The following RABGEF1 variants were observed in gnomAD, a reference collection of about 807,000 sequenced individuals.
RABGEF1 encodes the protein RAB guanine nucleotide exchange factor 1.
Under a neutral mutation model 57.3 loss-of-function variants are expected in RABGEF1, and 26 were observed. That is an observed-to-expected ratio of 0.45 (90% CI 0.33 to 0.63). RABGEF1 has a LOEUF of 0.63. Among genes scored for constraint, RABGEF1 ranks in the 20% least tolerant of loss-of-function variants. RABGEF1 has a pLI of 0.02. For missense variants in RABGEF1, 464 were observed against 607.6 expected (o/e 0.76, Z 2.48); for synonymous variants, 185 against 210.7 (o/e 0.88, Z 1.06).
At chr7:66,784,173 A>G (rs1810610782) in intron 4 of RABGEF1, among the ~76,000 whole-genome samples, 1 of 152,212 alleles carries the variant, frequency 6.6e-6, no homozygotes, top group Non-Finnish European at 1.5e-5. Context: ...CTGTGCAACC[A>G]TTGTTAGGCC....
chr7:66,666,710 A>G, the RABGEF1 span, among the ~76,000 whole-genome samples: 21 of 152,134 alleles, frequency 1.4e-4, no homozygotes, highest in African/African-American at 4.6e-4. Flanking sequence ...CTCTTTATCT[A>G]TGTCTCAGCA....
chr7:66,790,333 T>C (rs1405889980), intron 4 of RABGEF1, among the ~76,000 whole-genome samples: 2 of 152,094 alleles, frequency 1.3e-5, no homozygotes, highest in Non-Finnish European at 2.9e-5. Context: ...GCGCATGAGG[T>C]CTTTTTTTCG....
At chr7:66,781,154 C>T (rs1809795167) in intron 3 of RABGEF1, among the ~76,000 whole-genome samples, 1 of 151,990 alleles carries the variant, frequency 6.6e-6, no homozygotes, top group Non-Finnish European at 1.5e-5. Context: ...TCTTTATCTC[C>T]ACTATCAGCT....
intron 1 of RABGEF1, among the ~76,000 whole-genome samples, chr7:66,742,799 G>T (rs1020840759): frequency 1.3e-5 from 2 of 152,108 alleles, no homozygotes; most frequent in African/African-American, 2.4e-5. Flanking sequence ...TAAAGATGTT[G>T]TCTTGCTGTG....
At chr7:66,772,844 G>A (rs1315781700) in intron 2 of RABGEF1, among the ~76,000 whole-genome samples, 3 of 151,658 alleles carry the variant, frequency 2.0e-5, no homozygotes, top group East Asian at 1.9e-4. Flanking sequence ...CCCAGGTATC[G>A]GAGGTTGCAG....
chr7:66,665,969 A>G, the RABGEF1 span: 1 of 152,996 alleles, frequency 6.5e-6, no homozygotes, highest in South Asian at 2.1e-4. Flanking sequence ...TGGAGGTGAC[A>G]TAGGAGCTGG....
chr7:66,756,072 A>T lies in RABGEF1; in HGVS notation c.-18+15280A>T, dbSNP rs991778996. 3 of 1,498,088 alleles carry T rather than the reference A, an allele frequency of 2.0e-6. No individual in the cohort carries two copies. The African/African-American group carries it at 4.2e-5, about 21-fold the overall frequency. 92.8% of individuals were successfully genotyped at this position (1,498,088 alleles called of 1,614,324 possible). ...ATTAGAATGATGGCGTCTTCATACC[A>T]TGAAGGTGAGTACTGAAAGATATAT... On this transcript the variant is annotated intron_variant, in intron 1 of 8. Transcript: ENST00000284957.
At chr7:66,780,373 T>TCTC (rs1191037909) in intron 3 of RABGEF1, among the ~76,000 whole-genome samples, 1 of 152,240 alleles carries the variant, frequency 6.6e-6, no homozygotes, top group Non-Finnish European at 1.5e-5. Flanking sequence ...AGCCTCAGCT[T>TCTC]CCTCATTTGT....
In RABGEF1 at chr7:66,781,053, G is replaced by A. The variant is rs566897130; in HGVS notation, c.347-2622G>A. On this transcript the variant is annotated intron_variant, in intron 3 of 8. Transcript: ENST00000284957. Reference sequence around the variant, plus strand: ...ATATTTAATGTGATTTTTGATAAGGGAAGGTTTACCCCTGCCATCTTGCTG... The same window carrying A: ...ATATTTAATGTGATTTTTGATAAGGAAAGGTTTACCCCTGCCATCTTGCTG... Among the ~76,000 whole-genome samples, 23 of 152,128 alleles carry A rather than the reference G, an allele frequency of 1.5e-4. No homozygotes were observed. The South Asian group carries it at 4.8e-3, about 32-fold the overall frequency.
upstream of RABGEF1, among the ~76,000 whole-genome samples, chr7:66,678,093 T>C (rs918754046): frequency 6.6e-6 from 1 of 151,828 alleles, no homozygotes; most frequent in Non-Finnish European, 1.5e-5. Context: ...GGAAAATCCA[T>C]GCTACTAAGC....
At chr7:66,679,181 T>A (rs1412544899), upstream of RABGEF1, among the ~76,000 whole-genome samples, 2 of 152,214 alleles carry the variant, frequency 1.3e-5, no homozygotes, top group Non-Finnish European at 2.9e-5. Flanking sequence ...CTTCCCTCTA[T>A]CTGTTCGGTG....
chr7:66,696,408 G>A (rs1792339471), intron 1 of RABGEF1, among the ~76,000 whole-genome samples: 1 of 152,102 alleles, frequency 6.6e-6, no homozygotes, highest in Non-Finnish European at 1.5e-5. Flanking sequence ...TGGACCGTGG[G>A]GCTGGGCGTG....
At chr7:66,784,492 A>T (rs1584085198) in intron 4 of RABGEF1, among the ~76,000 whole-genome samples, 1 of 152,360 alleles carries the variant, frequency 6.6e-6, no homozygotes, top group South Asian at 2.1e-4. Flanking sequence ...CTGTAAAGGA[A>T]TTCATTTTGT....
At chr7:66,797,712 G>C (rs1786320314) in intron 6 of RABGEF1, among the ~76,000 whole-genome samples, 1 of 152,208 alleles carries the variant, frequency 6.6e-6, no homozygotes, top group Admixed American at 6.5e-5. Context: ...GGCAGCTTTT[G>C]GTAAGAGTTG....
chr7:66,674,418 G>T, the RABGEF1 span, among the ~76,000 whole-genome samples: 3 of 151,860 alleles, frequency 2.0e-5, no homozygotes, highest in African/African-American at 7.3e-5. Flanking sequence ...GAACTCCTGA[G>T]CTCAGGTGAT....
chr7:66,714,675 C>T (rs1584882811), intron 2 of RABGEF1, among the ~76,000 whole-genome samples: 1 of 152,302 alleles, frequency 6.6e-6, no homozygotes, highest in East Asian at 1.9e-4. Context: ...GTGGCTCATG[C>T]CTGTAATCCC....
chr7:66,664,244 G>C, the RABGEF1 span, among the ~76,000 whole-genome samples: 1 of 152,050 alleles, frequency 6.6e-6, no homozygotes, highest in South Asian at 2.1e-4. Flanking sequence ...AAGGAGGAAA[G>C]TAGTAAGTGA....
At chr7:66,678,426 G>T (rs563434182), upstream of RABGEF1, among the ~76,000 whole-genome samples, 1 of 151,890 alleles carries the variant, frequency 6.6e-6, no homozygotes, top group African/African-American at 2.4e-5. Flanking sequence ...TTAGCCGGGC[G>T]TGGTGGCAGG....
chr7:66,804,916 T>C (rs1788112700), intron 7 of RABGEF1, among the ~76,000 whole-genome samples: 1 of 152,090 alleles, frequency 6.6e-6, no homozygotes, highest in Non-Finnish European at 1.5e-5. Flanking sequence ...AATATGAGGA[T>C]TAGAGAAATG....
Sources: gnomAD v4.1 joint callset for allele counts (sites outside exome capture counted in the v4.1 genomes callset) on GRCh38, gnomAD v4.1.1 for gene constraint, MANE v1.5 for transcripts, NCBI Gene and HGNC (gene_info 2026-07-23, HGNC 2026-07-21) for gene names.